Variants in RIN2 observed in about 807,000 individuals in gnomAD.
RIN2 encodes the protein RAB5 interacting protein 2.
A neutral mutation model predicts 78.0 loss-of-function variants in RIN2; 36 were observed. That is an observed-to-expected ratio of 0.46 (90% CI 0.35 to 0.61). RIN2 has a LOEUF of 0.61. Among genes scored for constraint, RIN2 ranks in the 20% least tolerant of loss-of-function variants. The pLI is 0.00. For synonymous variants in RIN2, 466 were observed against 466.8 expected (o/e 1.00, Z 0.02); for missense variants, 1,087 against 1,159.7 (o/e 0.94, Z 0.91).
intron 2 of RIN2, among the ~76,000 whole-genome samples, chr20:19,887,017 C>T (rs2038227858): frequency 6.6e-6 from 1 of 151,500 alleles, no homozygotes. Context: ...CTTTTGGGGC[C>T]CTGAAGAACT....
At chr20:19,969,269 C>A (rs1259026581) in intron 7 of RIN2, among the ~76,000 whole-genome samples, 1 of 152,178 alleles carries the variant, frequency 6.6e-6, no homozygotes, top group East Asian at 1.9e-4. Flanking sequence ...ATTCTCAGCA[C>A]GTCTCATGAT....
intron 2 of RIN2, among the ~76,000 whole-genome samples, chr20:19,844,684 TCC>T (rs2036715071): frequency 6.2e-5 from 1 of 16,132 alleles, no homozygotes; most frequent in African/African-American, 1.6e-4. Flanking sequence ...TTCTTCTTCT[TCC>T]TCTTCCTCTT....
At chr20:19,957,813 T>C (rs2041602631) in intron 5 of RIN2, among the ~76,000 whole-genome samples, 1 of 152,244 alleles carries the variant, frequency 6.6e-6, no homozygotes, top group Non-Finnish European at 1.5e-5. Context: ...GTAGCCACAT[T>C]TTAAGTGCTC....
chr20:19,887,032 T>G (rs117100994), intron 2 of RIN2, among the ~76,000 whole-genome samples: 12 of 152,002 alleles, frequency 7.9e-5, no homozygotes, highest in African/African-American at 2.4e-4. Flanking sequence ...AGAACTTTTT[T>G]TTTTTTCTTT....
In RIN2 at chr20:19,802,113, G is replaced by A. The variant is rs769182304; in HGVS notation, c.-37+2366G>A. ...TGGAGAACTGATGACCACATCATCC[G>A]TTGTCACATTTAATCATCACGACAG... On this transcript the variant is annotated intron_variant, in intron 2 of 12. Transcript: ENST00000255006. Among the ~76,000 whole-genome samples the A allele has an allele frequency of 1.1e-4, 17 of 152,264 alleles. No individual in the cohort carries two copies. In the South Asian group the frequency reaches 2.3e-3, roughly 20 times the overall value.
Position 19,908,351 on chromosome 20 carries a change from C to T in RIN2, c.57+18693C>T, listed in dbSNP as rs545316013. On this transcript the variant is annotated intron_variant, in intron 3 of 12. Transcript: ENST00000255006. The stretch of plus-strand genomic sequence containing the variant: ...CTAAAAATACAAAAAATTAGCCGGA[C>T]GTGGTGGCGGGCGCCTGCAGTCCCA... Among the ~76,000 whole-genome samples, 51 of 152,130 alleles carry T rather than the reference C, an allele frequency of 3.4e-4. No individual in the cohort carries two copies. The East Asian group carries it at 7.8e-3, about 23-fold the overall frequency.
At chr20:19,919,741 G>A (rs2039834524) in intron 3 of RIN2, among the ~76,000 whole-genome samples, 1 of 152,028 alleles carries the variant, frequency 6.6e-6, no homozygotes, top group Non-Finnish European at 1.5e-5. Flanking sequence ...AGAAGGTGGA[G>A]GCTGCAGTGA....
intron 2 of RIN2, among the ~76,000 whole-genome samples, chr20:19,836,160 A>T (rs1002059087): frequency 6.6e-6 from 1 of 152,222 alleles, no homozygotes; most frequent in Non-Finnish European, 1.5e-5. Context: ...TGGTGACATC[A>T]GATGCTGCAC....
chr20:19,783,642 G>A (rs2034581347), intron 1 of RIN2, among the ~76,000 whole-genome samples: 1 of 152,180 alleles, frequency 6.6e-6, no homozygotes, highest in African/African-American at 2.4e-5. Flanking sequence ...GCGGTCCCAG[G>A]AAACCCCTAG....
intron 1 of RIN2, among the ~76,000 whole-genome samples, chr20:19,768,277 T>G (rs970501878): frequency 6.6e-6 from 1 of 152,162 alleles, no homozygotes; most frequent in Non-Finnish European, 1.5e-5. Flanking sequence ...GAAGAAATAT[T>G]CACAGGAAAA....
chr20:19,781,826 G>A (rs1214045101), intron 1 of RIN2, among the ~76,000 whole-genome samples: 4 of 148,828 alleles, frequency 2.7e-5, no homozygotes, highest in Non-Finnish European at 5.9e-5. Flanking sequence ...GTATCCATCT[G>A]TGGCCAATCT....
intron 1 of RIN2, among the ~76,000 whole-genome samples, chr20:19,761,898 CA>C (rs1158704475): frequency 2.0e-5 from 3 of 152,198 alleles, no homozygotes; most frequent in Non-Finnish European, 4.4e-5. Flanking sequence ...AGAATCCCCT[CA>C]AACGCAGCTC....
At chr20:19,788,952 A>G (rs1174228586) in intron 1 of RIN2, among the ~76,000 whole-genome samples, 1 of 152,250 alleles carries the variant, frequency 6.6e-6, no homozygotes, top group African/African-American at 2.4e-5. Flanking sequence ...TAATTATAAA[A>G]TTCAAAGCCA....
intron 2 of RIN2, among the ~76,000 whole-genome samples, chr20:19,826,138 T>C (rs192322322): frequency 1.3e-5 from 2 of 152,338 alleles, no homozygotes; most frequent in East Asian, 3.9e-4. Context: ...TGCATGCATT[T>C]ATTTAGTATG....
At chr20:19,820,079 A>G (rs1205600677) in intron 2 of RIN2, among the ~76,000 whole-genome samples, 1 of 152,218 alleles carries the variant, frequency 6.6e-6, no homozygotes, top group African/African-American at 2.4e-5. Context: ...TTAAATTTAA[A>G]AGGCTCAAAC....
intron 2 of RIN2, among the ~76,000 whole-genome samples, chr20:19,858,136 A>G (rs1421402978): frequency 6.6e-6 from 1 of 150,730 alleles, no homozygotes; most frequent in Non-Finnish European, 1.5e-5. Flanking sequence ...AAAAAAAAAT[A>G]TTAAGATGGC....
At chr20:19,779,240 A>G (rs1850214087) in intron 1 of RIN2, among the ~76,000 whole-genome samples, 1 of 152,158 alleles carries the variant, frequency 6.6e-6, no homozygotes, top group African/African-American at 2.4e-5. Context: ...AGCCAGTTTT[A>G]TATAGCAAAT....
At chr20:19,890,922 G>A (rs2038430532) in intron 3 of RIN2, among the ~76,000 whole-genome samples, 2 of 152,158 alleles carry the variant, frequency 1.3e-5, no homozygotes, top group Admixed American at 1.3e-4. Flanking sequence ...GCTTGGGACT[G>A]GTGGATACAG....
chr20:19,794,831 G>A (rs984388582), intron 1 of RIN2, among the ~76,000 whole-genome samples: 1 of 151,918 alleles, frequency 6.6e-6, no homozygotes, highest in East Asian at 1.9e-4. Context: ...TGCTTACTCC[G>A]CATTTGGTTA....
Sources: allele counts gnomAD v4.1 joint callset (sites outside exome capture counted in the v4.1 genomes callset), GRCh38; gene constraint gnomAD v4.1.1; transcripts MANE v1.5; gene names NCBI Gene and HGNC (gene_info 2026-07-23, HGNC 2026-07-21).